Variants in SPECC1L observed in about 807,000 individuals in gnomAD.
SPECC1L encodes cytospin-A.
SPECC1L carries 40 observed loss-of-function variants against 116.8 expected under a neutral mutation model. The ratio of observed to expected loss-of-function variants is 0.34; its 90% CI spans 0.27 to 0.45. SPECC1L has a LOEUF of 0.45. SPECC1L is among the 20% of genes least tolerant of loss of function. The probability of loss-of-function intolerance (pLI) is 1.00; values close to 1 mark genes in which losing one functional copy is unlikely to be tolerated. For missense variants in SPECC1L, 1,110 were observed against 1,373.6 expected (o/e 0.81, Z 3.03); for synonymous variants, 504 against 500.6 (o/e 1.01, Z -0.09).
intron 2 of SPECC1L, among the ~76,000 whole-genome samples, chr22:24,288,595 C>T (rs984401470): frequency 7.9e-6 from 1 of 126,264 alleles, no homozygotes; most frequent in African/African-American, 3.0e-5. Context: ...AGAAAGACTT[C>T]TCAAATCCAA....
At chr22:24,295,589 G>T (rs1171238236) in intron 2 of SPECC1L, among the ~76,000 whole-genome samples, 6 of 151,990 alleles carry the variant, frequency 3.9e-5, no homozygotes, top group Admixed American at 2.0e-4. Context: ...TAAATATTCT[G>T]CTCTAAGAAA....
At chr22:24,274,027 A>C (rs958394724) in intron 1 of SPECC1L, among the ~76,000 whole-genome samples, 2 of 152,160 alleles carry the variant, frequency 1.3e-5, no homozygotes, top group African/African-American at 4.8e-5. Flanking sequence ...CAAAGTGCTG[A>C]GATTACAGGC....
intron 2 of SPECC1L, among the ~76,000 whole-genome samples, chr22:24,294,953 T>C (rs1205884016): frequency 1.3e-5 from 2 of 152,228 alleles, no homozygotes; most frequent in Middle Eastern, 3.4e-3. Context: ...AGTCTATGAG[T>C]TGATTTTTAA....
intron 2 of SPECC1L, among the ~76,000 whole-genome samples, chr22:24,277,104 A>G (rs1407592988): frequency 1.3e-5 from 2 of 152,340 alleles, no homozygotes; most frequent in Middle Eastern, 6.8e-3. Flanking sequence ...CAAACTACTT[A>G]CTGGGTTTTT....
At chr22:24,309,696 G>A (rs2040422943) in intron 3 of SPECC1L, among the ~76,000 whole-genome samples, 1 of 152,146 alleles carries the variant, frequency 6.6e-6, no homozygotes, top group South Asian at 2.1e-4. Flanking sequence ...ACTGCAACCG[G>A]CCTGAAGTTC....
intron 14 of SPECC1L, among the ~76,000 whole-genome samples, chr22:24,410,963 T>C (rs529834486): frequency 2.0e-5 from 3 of 151,684 alleles, no homozygotes; most frequent in African/African-American, 7.3e-5. Context: ...CCAAGGCGGG[T>C]GGATCACAAG....
At chr22:24,368,234 T>C (rs1182795294) in intron 13 of SPECC1L, among the ~76,000 whole-genome samples, 1 of 152,222 alleles carries the variant, frequency 6.6e-6, no homozygotes, top group African/African-American at 2.4e-5. Context: ...ACAGTGGTTT[T>C]ACTTACTATC....
At chr22:24,403,358 C>T (rs548967382) in intron 14 of SPECC1L, among the ~76,000 whole-genome samples, 1 of 152,240 alleles carries the variant, frequency 6.6e-6, no homozygotes, top group East Asian at 1.9e-4. Flanking sequence ...AAGAAACTTG[C>T]ATTATAATTA....
intron 11 of SPECC1L, among the ~76,000 whole-genome samples, chr22:24,354,034 G>C (rs550915829): frequency 3.9e-4 from 60 of 152,316 alleles, no homozygotes; most frequent in African/African-American, 1.4e-3. Flanking sequence ...AGTCATGGTG[G>C]AAGGCAAATC....
In SPECC1L at chr22:24,365,535, C is replaced by G. The variant is rs1015942511; in HGVS notation, c.2887C>G (p.Pro963Ala). The G allele has an allele frequency of 6.2e-7, 1 of 1,614,062 alleles. No homozygotes were observed. The highest frequency in any genetic ancestry group is 1.3e-5 in the African/African-American group (1 of 75,010). ...RDISAQEGAS[P>A]ASLMAMGTTS... ...CATTTCTGCACAGGAGGGAGCGTCG[C>G]CAGCCTCTCTGATGGCTATGGGAAC... is the stretch of plus-strand genomic sequence containing the variant. The change falls in exon 13 of 17, where the codon CCA becomes GCA. Residue 963 changes from proline to alanine, a missense_variant. This residue lies in a region of SPECC1L where 575 missense variants were observed against 682.4 expected (regional missense o/e 0.84). Transcript: ENST00000314328.
chr22:24,299,518 C>G (rs1048542431), intron 2 of SPECC1L, among the ~76,000 whole-genome samples: 1 of 152,142 alleles, frequency 6.6e-6, no homozygotes, highest in African/African-American at 2.4e-5. Flanking sequence ...TGCCAGCCTC[C>G]TTGAACAGTC....
chr22:24,320,278 CAAAA>C (rs1387280886), intron 4 of SPECC1L, among the ~76,000 whole-genome samples: 1 of 151,112 alleles, frequency 6.6e-6, no homozygotes, highest in Non-Finnish European at 1.5e-5. Context: ...GACTCCATCT[CAAAA>C]AAAACCAAAA....
chr22:24,410,364 C>T (rs976713791), intron 14 of SPECC1L, among the ~76,000 whole-genome samples: 10 of 152,200 alleles, frequency 6.6e-5, no homozygotes, highest in South Asian at 2.1e-4. Flanking sequence ...CAAGTCTTAG[C>T]TTAGAGTCCC....
At chr22:24,335,515 C>T (rs1569425331) in intron 9 of SPECC1L, among the ~76,000 whole-genome samples, 1 of 152,212 alleles carries the variant, frequency 6.6e-6, no homozygotes, top group Non-Finnish European at 1.5e-5. Context: ...ATCTAACTTC[C>T]TCAGCTCTGG....
At chr22:24,283,806 C>G (rs1289115599) in intron 2 of SPECC1L, among the ~76,000 whole-genome samples, 1 of 152,142 alleles carries the variant, frequency 6.6e-6, no homozygotes, top group Non-Finnish European at 1.5e-5. Context: ...GTTTGTCTTT[C>G]AAGAAATTCA....
rs1049339292 is a variant in SPECC1L at position 24,389,697 on chromosome 22, C to T, written c.3087+20377C>T. ...TGTGTGTCCCCATAGATTGAAGAAT[C>T]AATAGAGTGAGAACTAGTGAACAGA... is the stretch of plus-strand genomic sequence containing the variant. On this transcript the variant is annotated intron_variant, in intron 14 of 16. Transcript: ENST00000314328. 6.6e-5 allele frequency among the ~76,000 whole-genome samples: 10 copies of T among 152,056 alleles called. No individual in the cohort carries two copies. In the East Asian group the frequency reaches 1.7e-3, roughly 26 times the overall value.
At chr22:24,278,311 T>C (rs2048876075) in intron 2 of SPECC1L, among the ~76,000 whole-genome samples, 2 of 152,198 alleles carry the variant, frequency 1.3e-5, no homozygotes, top group Admixed American at 6.5e-5. Context: ...CAGTGAGCCA[T>C]GATGGCAGCA....
chr22:24,386,583 AATTATTATTATTGTT>A (rs1425796491), intron 14 of SPECC1L, among the ~76,000 whole-genome samples: 2 of 151,548 alleles, frequency 1.3e-5, no homozygotes, highest in Non-Finnish European at 2.9e-5. Context: ...TTCAGGATCT[AATTATTATTATTGTT>A]ATTATTATTA....
rs2146835614 is a variant in SPECC1L, at chr22:24,415,366, G to A, written c.*743G>A. 6.5e-6 allele frequency: 1 copy of A among 152,844 alleles called. No individual in the cohort carries two copies. The highest frequency in any genetic ancestry group is 2.1e-4 in the South Asian group (1 of 4,832). 9.5% of individuals were successfully genotyped at this position (152,844 alleles called of 1,614,324 possible). On this transcript the variant is annotated 3_prime_UTR_variant, in exon 17 of 17. Coordinates refer to ENST00000314328, the MANE Select transcript of SPECC1L (RefSeq NM_015330.6). Reference sequence around the variant, plus strand: ...CGACCTGTCTTCCAGCCTGGAAGGGGTTTGGAGTCCCAGCTCTGGCTTTAG... The same window carrying A: ...CGACCTGTCTTCCAGCCTGGAAGGGATTTGGAGTCCCAGCTCTGGCTTTAG...
Sources: gnomAD v4.1 joint callset for allele counts (sites outside exome capture counted in the v4.1 genomes callset) on GRCh38, gnomAD v4.1.1 for gene constraint, gnomAD v4.1.1 regional missense constraint, MANE v1.5 for transcripts, NCBI Gene and HGNC (gene_info 2026-07-23, HGNC 2026-07-21) for gene names.